The following DACH1 variants were observed in gnomAD, a reference collection of about 807,000 sequenced individuals.
The protein encoded by DACH1 is dachshund homolog 1.
Under a neutral mutation model 54.2 loss-of-function variants are expected in DACH1, and 12 were observed. The observed-to-expected ratio is 0.22, with a 90% CI of 0.14 to 0.36. DACH1 has a LOEUF of 0.36. Ranked by LOEUF, DACH1 falls within the 10% of genes least tolerant of loss-of-function variation. The probability of loss-of-function intolerance (pLI) is 1.00; values close to 1 mark genes in which losing one functional copy is unlikely to be tolerated. For synonymous variants in DACH1, 386 were observed against 366.2 expected, an observed-to-expected ratio of 1.05 and a Z score of -0.62; for missense variants, 805 against 929.8, an observed-to-expected ratio of 0.87 and a Z score of 1.75.
intron 7 of DACH1, among the ~76,000 whole-genome samples, chr13:71,487,211 T>G (rs758497222): frequency 2.3e-4 from 35 of 152,238 alleles, no homozygotes; most frequent in South Asian, 6.2e-4. Context: ...CAGTCCCAGA[T>G]CCCTATAATT....
chr13:71,454,912 G>A (rs560776401), intron 10 of DACH1, among the ~76,000 whole-genome samples: 163 of 152,288 alleles, frequency 1.1e-3, no homozygotes, highest in African/African-American at 3.6e-3. Context: ...TAGTCATTCC[G>A]TGATAGAAAA....
chr13:71,756,741 A>G (rs1040953635), intron 1 of DACH1, among the ~76,000 whole-genome samples: 1 of 152,168 alleles, frequency 6.6e-6, no homozygotes, highest in African/African-American at 2.4e-5. Flanking sequence ...TCAGATTTTT[A>G]GAAGCAAAAT....
rs547609205 is a variant in DACH1 at position 71,696,803 on chromosome 13, T to A, written c.849-14893A>T. On this transcript the variant is annotated intron_variant, in intron 1 of 10. Coordinates refer to ENST00000613252, the MANE Select transcript of DACH1 (RefSeq NM_080759.6). ...CACAGGTGATCCGCCCACCTCAGCC[T>A]CTCAAATGCTGGGATTACAGGCATG... Among the ~76,000 whole-genome samples the A allele has an allele frequency of 2.0e-5, 3 of 152,260 alleles. No homozygotes were observed. The South Asian group carries it at 6.2e-4, about 32-fold the overall frequency.
intron 6 of DACH1, among the ~76,000 whole-genome samples, chr13:71,516,728 G>T (rs1394817339): frequency 6.6e-6 from 1 of 151,664 alleles, no homozygotes; most frequent in Non-Finnish European, 1.5e-5. Context: ...ACGCACAGAC[G>T]TCTGCCAAGC....
intron 2 of DACH1, among the ~76,000 whole-genome samples, chr13:71,656,055 T>A (rs2138637759): frequency 6.6e-6 from 1 of 152,354 alleles, no homozygotes; most frequent in Admixed American, 6.5e-5. Context: ...GCAAGTTTTT[T>A]AAAGTAAGTT....
intron 2 of DACH1, among the ~76,000 whole-genome samples, chr13:71,663,855 G>A (rs1454057695): frequency 3.3e-5 from 5 of 151,962 alleles, no homozygotes; most frequent in African/African-American, 9.7e-5. Context: ...ATATGGCCAT[G>A]TAGATTTCCA....
intron 6 of DACH1, among the ~76,000 whole-genome samples, chr13:71,503,699 C>A (rs1325739816): frequency 3.2e-4 from 49 of 152,178 alleles, no homozygotes. Context: ...CTGTTTTGGG[C>A]AATCCCAGGT....
At chr13:71,837,249 T>C (rs1315089733) in intron 1 of DACH1, among the ~76,000 whole-genome samples, 2 of 152,160 alleles carry the variant, frequency 1.3e-5, no homozygotes, top group Non-Finnish European at 2.9e-5. Context: ...TATGATAATA[T>C]ATAAAAGCAT....
At chr13:71,446,453 T>C (rs993795794) in intron 10 of DACH1, among the ~76,000 whole-genome samples, 1 of 152,192 alleles carries the variant, frequency 6.6e-6, no homozygotes, top group East Asian at 1.9e-4. Context: ...AAAGGTGCTA[T>C]ATCGATTTTA....
At chr13:71,772,674 A>G (rs566999159) in intron 1 of DACH1, among the ~76,000 whole-genome samples, 2 of 151,890 alleles carry the variant, frequency 1.3e-5, no homozygotes, top group East Asian at 3.9e-4. Context: ...AAAAATATCA[A>G]AGTGACATCT....
intron 1 of DACH1, among the ~76,000 whole-genome samples, chr13:71,758,549 T>C (rs1294282467): frequency 6.6e-6 from 1 of 152,176 alleles, no homozygotes; most frequent in Non-Finnish European, 1.5e-5. Flanking sequence ...CCTCAAATAT[T>C]TTTTTATGGA....
At chr13:71,676,892 G>A (rs1208042357) in intron 2 of DACH1, among the ~76,000 whole-genome samples, 1 of 152,160 alleles carries the variant, frequency 6.6e-6, no homozygotes, top group Non-Finnish European at 1.5e-5. Flanking sequence ...AGATCACAGT[G>A]AGGGAAAAGA....
intron 6 of DACH1, among the ~76,000 whole-genome samples, chr13:71,527,826 A>G (rs890682989): frequency 2.0e-5 from 3 of 152,194 alleles, no homozygotes; most frequent in Non-Finnish European, 4.4e-5. Flanking sequence ...CTGGATGAAA[A>G]AGGTAGTAAA....
At chr13:71,554,777 A>C (rs1344734446) in intron 6 of DACH1, among the ~76,000 whole-genome samples, 2 of 152,236 alleles carry the variant, frequency 1.3e-5, no homozygotes, top group African/African-American at 2.4e-5. Flanking sequence ...CAAATACTTT[A>C]AAACATGCCT....
Position 71,631,670 on chromosome 13 carries a change from C to T in DACH1, c.965-953G>A, listed in dbSNP as rs556446075. On this transcript the variant is annotated intron_variant, in intron 2 of 10. Coordinates refer to ENST00000613252, the MANE Select transcript of DACH1 (RefSeq NM_080759.6). ...ATCCTTACTTTACAGATTAGAAAAC[C>T]ATGGCACAGGATTTGAAACAGCACA... 2.0e-5 allele frequency among the ~76,000 whole-genome samples: 3 copies of T among 152,242 alleles called. No homozygotes were observed. The South Asian group carries it at 6.2e-4, about 32-fold the overall frequency.
chr13:71,692,183 A>AATCATATTAAC (rs1207695547), intron 1 of DACH1, among the ~76,000 whole-genome samples: 1 of 152,178 alleles, frequency 6.6e-6, no homozygotes, highest in Non-Finnish European at 1.5e-5. Flanking sequence ...AATAAATGTA[A>AATCATATTAAC]ATCATATTAA....
At chr13:71,850,943 A>C (rs1873616964) in intron 1 of DACH1, among the ~76,000 whole-genome samples, 1 of 152,250 alleles carries the variant, frequency 6.6e-6, no homozygotes, top group African/African-American at 2.4e-5. Flanking sequence ...AGTAATGTCA[A>C]ATGACAAAAT....
At chr13:71,636,612 G>C (rs1398462270) in intron 2 of DACH1, among the ~76,000 whole-genome samples, 1 of 149,866 alleles carries the variant, frequency 6.7e-6, no homozygotes, top group East Asian at 1.9e-4. Flanking sequence ...GATTGAGAAA[G>C]GTTTCTTTAA....
intron 2 of DACH1, among the ~76,000 whole-genome samples, chr13:71,662,511 C>G (rs1180998787): frequency 1.3e-5 from 2 of 151,880 alleles, no homozygotes. Flanking sequence ...GATATTTTAT[C>G]AGTATTAAAT....
Sources: gnomAD v4.1 joint callset for allele counts (sites outside exome capture counted in the v4.1 genomes callset) on GRCh38, gnomAD v4.1.1 for gene constraint, MANE v1.5 for transcripts, NCBI Gene and HGNC (gene_info 2026-07-23, HGNC 2026-07-21) for gene names.